The following CSMD1 variants were observed in gnomAD, a reference collection of about 807,000 sequenced individuals.
CSMD1 encodes CUB and Sushi multiple domains 1.
CSMD1 carries 213 observed loss-of-function variants against 417.5 expected under a neutral mutation model. The ratio of observed to expected loss-of-function variants is 0.51; its 90% CI spans 0.46 to 0.57. The LOEUF is 0.57. Among genes scored for constraint, CSMD1 ranks in the 20% least tolerant of loss-of-function variants. The pLI is 0.00. For missense variants in CSMD1, 6,923 were observed against 4,529.7 expected (o/e 1.53, Z -15.17); for synonymous variants, 2,862 against 1,736.8 (o/e 1.65, Z -16.11).
chr8:3,060,529 T>G (rs1812526546), intron 49 of CSMD1, among the ~76,000 whole-genome samples: 1 of 152,232 alleles, frequency 6.6e-6, no homozygotes, highest in East Asian at 1.9e-4. Context: ...AACAGACCAC[T>G]TACTTGGCTA....
At chr8:3,958,896 C>G (rs1033149187) in intron 5 of CSMD1, among the ~76,000 whole-genome samples, 1 of 152,178 alleles carries the variant, frequency 6.6e-6, no homozygotes, top group African/African-American at 2.4e-5. Flanking sequence ...ATTCAGTGAA[C>G]GTGACAATTC....
chr8:3,948,759 C>T (rs1223023721), intron 5 of CSMD1, among the ~76,000 whole-genome samples: 2 of 152,084 alleles, frequency 1.3e-5, no homozygotes, highest in Non-Finnish European at 1.5e-5. Context: ...AAAAGATGAG[C>T]ATTTCTTCAA....
intron 5 of CSMD1, among the ~76,000 whole-genome samples, chr8:3,983,745 T>G (rs1464438481): frequency 6.6e-6 from 1 of 152,202 alleles, no homozygotes; most frequent in Admixed American, 6.5e-5. Flanking sequence ...CCTAGTCTGG[T>G]AGCATCTGAT....
intron 5 of CSMD1, among the ~76,000 whole-genome samples, chr8:3,764,717 A>G (rs938116829): frequency 6.7e-6 from 1 of 149,996 alleles, no homozygotes; most frequent in Non-Finnish European, 1.5e-5. Context: ...AAGCTAAATC[A>G]CAGCACTGCC....
chr8:3,532,542 T>G (rs983702273), intron 10 of CSMD1, among the ~76,000 whole-genome samples: 2 of 152,146 alleles, frequency 1.3e-5, no homozygotes, highest in African/African-American at 4.8e-5. Context: ...TCACCTTATT[T>G]GAGAAATGGA....
rs1042637700 is a variant in CSMD1 at position 3,725,594 on chromosome 8, T to C, written c.932-17103A>G. Among the ~76,000 whole-genome samples, 5 of 152,066 alleles carry C rather than the reference T, an allele frequency of 3.3e-5. No individual in the cohort carries two copies. In the East Asian group the frequency reaches 9.7e-4, roughly 29 times the overall value. On this transcript the variant is annotated intron_variant, in intron 6 of 69. Coordinates refer to ENST00000635120, the MANE Select transcript of CSMD1 (RefSeq NM_033225.6). The stretch of plus-strand genomic sequence containing the variant: ...ACAGTTGAGGAGAGAGGAAGCCTGA[T>C]GGCTTAGGAGAGAGAAGGTTTCAGG...
At chr8:3,191,356 T>C (rs934327290) in intron 33 of CSMD1, among the ~76,000 whole-genome samples, 1 of 152,146 alleles carries the variant, frequency 6.6e-6, no homozygotes, top group South Asian at 2.1e-4. Context: ...CTCGGGAGTC[T>C]GAGGCAGGAT....
At chr8:3,276,374 GGGAGCTGTAGACC>G (rs1802291458) in intron 26 of CSMD1, among the ~76,000 whole-genome samples, 1 of 152,178 alleles carries the variant, frequency 6.6e-6, no homozygotes, top group African/African-American at 2.4e-5. Context: ...CGTTCACGCT[GGGAGCTGTAGACC>G]GGAGCTGTTC....
At chr8:4,719,443 A>C (rs1177097004) in intron 1 of CSMD1, among the ~76,000 whole-genome samples, 1 of 151,984 alleles carries the variant, frequency 6.6e-6, no homozygotes, top group Non-Finnish European at 1.5e-5. Flanking sequence ...AGTCTCAGGC[A>C]TTTGCTGCTT....
rs578040103 is a variant in CSMD1 at position 4,801,439 on chromosome 8, C to T, written c.86-163881G>A. 4.6e-5 allele frequency among the ~76,000 whole-genome samples: 7 copies of T among 150,856 alleles called. No individual in the cohort carries two copies. The South Asian group carries it at 6.4e-4, about 14-fold the overall frequency. On this transcript the variant is annotated intron_variant, in intron 1 of 69. Coordinates refer to ENST00000635120, the MANE Select transcript of CSMD1 (RefSeq NM_033225.6). ...ATTTCGGCCAGTCAGCTACTCTTAG[C>T]GGACTTGACAGCCTCAGATGGCTTT...
chr8:3,760,080 A>C (rs1320045998), intron 5 of CSMD1, among the ~76,000 whole-genome samples: 1 of 152,070 alleles, frequency 6.6e-6, no homozygotes, highest in Non-Finnish European at 1.5e-5. Flanking sequence ...TTGGTGCTTA[A>C]AAAACAAGGG....
intron 3 of CSMD1, among the ~76,000 whole-genome samples, chr8:4,096,621 G>T (rs7816866): frequency 0.22 from 33,905 of 152,052 alleles, 4,710 homozygotes; most frequent in African/African-American, 0.39. Flanking sequence ...CAATTACAAT[G>T]AAAGATATCT....
intron 26 of CSMD1, among the ~76,000 whole-genome samples, chr8:3,264,698 A>C (rs1801308938): frequency 6.6e-6 from 1 of 152,190 alleles, no homozygotes; most frequent in African/African-American, 2.4e-5. Context: ...TTGTGTCCTA[A>C]TTTAACTTAA....
chr8:3,403,496 C>T (rs1300390021), intron 15 of CSMD1, among the ~76,000 whole-genome samples: 1 of 152,168 alleles, frequency 6.6e-6, no homozygotes, highest in East Asian at 1.9e-4. Flanking sequence ...CTTTTTCTTT[C>T]TGCCGAGGGC....
At chr8:3,914,364 G>C (rs1243882032) in intron 5 of CSMD1, among the ~76,000 whole-genome samples, 2 of 151,832 alleles carry the variant, frequency 1.3e-5, no homozygotes, top group Non-Finnish European at 1.5e-5. Context: ...CATTACGTTG[G>C]ATAGATGTAA....
intron 1 of CSMD1, among the ~76,000 whole-genome samples, chr8:4,659,101 G>A (rs140383209): frequency 7.6e-4 from 116 of 152,028 alleles, no homozygotes; most frequent in African/African-American, 2.6e-3. Flanking sequence ...TAAAATAACC[G>A]ATTAAAAATG....
chr8:3,321,337 G>A (rs1806140460), intron 23 of CSMD1, among the ~76,000 whole-genome samples: 1 of 152,070 alleles, frequency 6.6e-6, no homozygotes, highest in African/African-American at 2.4e-5. Flanking sequence ...ATGATGCTTT[G>A]TGCCGTAGTA....
At chr8:3,108,164 G>A (rs1234454877) in intron 44 of CSMD1, among the ~76,000 whole-genome samples, 6 of 152,186 alleles carry the variant, frequency 3.9e-5, no homozygotes, top group South Asian at 2.1e-4. Flanking sequence ...GAGGAATTCT[G>A]TAGGTGGCAG....
intron 25 of CSMD1, among the ~76,000 whole-genome samples, chr8:3,290,389 T>G (rs1584938614): frequency 6.8e-6 from 1 of 146,990 alleles, no homozygotes; most frequent in East Asian, 2.0e-4. Flanking sequence ...TTGAAGGGGA[T>G]GGCATTGAAT....
Sources: gnomAD v4.1 joint callset for allele counts (sites outside exome capture counted in the v4.1 genomes callset) on GRCh38, gnomAD v4.1.1 for gene constraint, MANE v1.5 for transcripts, NCBI Gene and HGNC (gene_info 2026-07-23, HGNC 2026-07-21) for gene names.